Variants in WDR41 observed in about 807,000 individuals in gnomAD.
WDR41 encodes the protein WD repeat-containing protein 41.
Under a neutral mutation model 69.3 loss-of-function variants are expected in WDR41, and 63 were observed. The ratio of observed to expected loss-of-function variants is 0.91; its 90% CI spans 0.74 to 1.12. The LOEUF is 1.12. Ranked by LOEUF, WDR41 falls within the 50% of genes most tolerant of loss-of-function variation. WDR41 has a pLI of 0.00. For missense variants in WDR41, 543 were observed against 534.5 expected (o/e 1.02, Z -0.16); for synonymous variants, 185 against 192.1 (o/e 0.96, Z 0.31).
At chr5:77,443,157 A>C (rs1328142148) in intron 8 of WDR41, among the ~76,000 whole-genome samples, 1 of 152,132 alleles carries the variant, frequency 6.6e-6, no homozygotes, top group African/African-American at 2.4e-5. Flanking sequence ...CATGCATTAA[A>C]TGAGTGACTA....
intron 1 of WDR41, among the ~76,000 whole-genome samples, chr5:77,533,292 G>A (rs766961256): frequency 6.6e-6 from 1 of 152,070 alleles, no homozygotes; most frequent in Non-Finnish European, 1.5e-5. Flanking sequence ...GGCAACCTCC[G>A]TGTTTCTTAG....
chr5:77,600,010 G>A (rs991516868), intron 1 of WDR41, among the ~76,000 whole-genome samples: 39 of 152,090 alleles, frequency 2.6e-4, no homozygotes, highest in African/African-American at 4.8e-4. Flanking sequence ...ATTCTCTTGC[G>A]GATCATGGCA....
chr5:77,449,836 T>G lies in WDR41; in HGVS notation c.621A>C (p.Ser207=), dbSNP rs1448838669. Residue 207 remains serine, a synonymous_variant, in exon 8 of 13, where the codon TCA becomes TCC. Coordinates refer to ENST00000296679, the MANE Select transcript of WDR41 (RefSeq NM_018268.4). ...TAACTTCAAGAATATCCCATTCTAG[T>G]GATCCTTCTGTGGGTGCTACCAACC... is the stretch of plus-strand genomic sequence containing the variant. The part of the protein sequence containing the change: ...IFRLVAPTEG[S]LEWDILEVKR... 3.7e-6 allele frequency: 6 copies of G among 1,613,516 alleles called. No homozygotes were observed. In the Admixed American group the frequency reaches 8.3e-5, roughly 22 times the overall value.
chr5:77,466,257 A>G (rs2151328124), intron 2 of WDR41, among the ~76,000 whole-genome samples: 1 of 152,132 alleles, frequency 6.6e-6, no homozygotes, highest in Non-Finnish European at 1.5e-5. Context: ...GATCATTTTT[A>G]AAATAAAAAT....
intron 1 of WDR41, among the ~76,000 whole-genome samples, chr5:77,551,546 T>C (rs113973909): frequency 0.17 from 25,764 of 151,474 alleles, 3,645 homozygotes; most frequent in African/African-American, 0.37. Flanking sequence ...GGTGTGGTGG[T>C]GCTCACCTGT....
chr5:77,586,305 T>G (rs557454514), intron 1 of WDR41, among the ~76,000 whole-genome samples: 87 of 149,382 alleles, frequency 5.8e-4, no homozygotes, highest in African/African-American at 2.1e-3. Flanking sequence ...TATTTATGTA[T>G]TTATTTATTT....
At chr5:77,615,477 G>C (rs770313175) in intron 1 of WDR41, among the ~76,000 whole-genome samples, 1 of 151,910 alleles carries the variant, frequency 6.6e-6, no homozygotes, top group Non-Finnish European at 1.5e-5. Flanking sequence ...CTAGGTGATG[G>C]ATAAATGGTA....
chr5:77,603,040 C>A (rs1187433687), intron 1 of WDR41, among the ~76,000 whole-genome samples: 1 of 151,496 alleles, frequency 6.6e-6, no homozygotes, highest in Non-Finnish European at 1.5e-5. Flanking sequence ...TGGGTTCATG[C>A]CATTTTCCTG....
chr5:77,483,834 A>G (rs1325389419), intron 2 of WDR41, among the ~76,000 whole-genome samples: 1 of 152,184 alleles, frequency 6.6e-6, no homozygotes, highest in Non-Finnish European at 1.5e-5. Context: ...GTTCCCCAGC[A>G]TTCTCCAAAG....
At chr5:77,440,286 T>C (rs1296292254) in intron 9 of WDR41, among the ~76,000 whole-genome samples, 1 of 152,174 alleles carries the variant, frequency 6.6e-6, no homozygotes, top group East Asian at 1.9e-4. Context: ...TTTTTTCAGA[T>C]CAGAGATAAG....
intron 2 of WDR41, among the ~76,000 whole-genome samples, chr5:77,473,697 C>T (rs7720437): frequency 0.51 from 76,957 of 152,056 alleles, 20,252 homozygotes; most frequent in African/African-American, 0.64. Context: ...TGAGAAAATG[C>T]GCATCATCAC....
At chr5:77,445,632 A>G (rs888857836) in intron 8 of WDR41, among the ~76,000 whole-genome samples, 2 of 152,254 alleles carry the variant, frequency 1.3e-5, no homozygotes, top group African/African-American at 4.8e-5. Context: ...ATGCAAATCA[A>G]TAAACGTAAT....
At chr5:77,577,209 T>C (rs568166520) in intron 1 of WDR41, among the ~76,000 whole-genome samples, 3 of 152,210 alleles carry the variant, frequency 2.0e-5, no homozygotes, top group African/African-American at 7.2e-5. Flanking sequence ...TTCTAAAAAC[T>C]GGAAGAATAA....
At chr5:77,602,051 A>G (rs937925707) in intron 1 of WDR41, among the ~76,000 whole-genome samples, 1 of 152,002 alleles carries the variant, frequency 6.6e-6, no homozygotes, top group Non-Finnish European at 1.5e-5. Flanking sequence ...AAACATTACA[A>G]CTTATTCTTT....
chr5:77,452,530 C>T (rs1799667296), intron 6 of WDR41: 1 of 152,140 alleles, frequency 6.6e-6, no homozygotes, highest in Non-Finnish European at 1.5e-5. Flanking sequence ...CACAGAATAA[C>T]TGCTTGTAAA....
chr5:77,615,373 T>C (rs946290552), intron 1 of WDR41, among the ~76,000 whole-genome samples: 1 of 152,142 alleles, frequency 6.6e-6, no homozygotes, highest in African/African-American at 2.4e-5. Flanking sequence ...ATTTATAATG[T>C]CTGAGATATG....
At chr5:77,614,050 C>T (rs1193343659) in intron 1 of WDR41, among the ~76,000 whole-genome samples, 2 of 152,130 alleles carry the variant, frequency 1.3e-5, no homozygotes, top group Non-Finnish European at 2.9e-5. Context: ...AAAAAATGCT[C>T]ATCATCACTG....
intron 1 of WDR41, among the ~76,000 whole-genome samples, chr5:77,512,367 T>G (rs796585060): frequency 3.4e-5 from 4 of 118,918 alleles, no homozygotes; most frequent in East Asian, 2.6e-4. Flanking sequence ...TGTGTGTGTG[T>G]GTGTGTGTGT....
intron 1 of WDR41, among the ~76,000 whole-genome samples, chr5:77,528,152 A>G (rs1802476483): frequency 6.6e-6 from 1 of 151,744 alleles, no homozygotes; most frequent in Admixed American, 6.6e-5. Flanking sequence ...TAAAGTTGAT[A>G]ATTGTATGGT....
Sources: allele counts gnomAD v4.1 joint callset (sites outside exome capture counted in the v4.1 genomes callset), GRCh38; gene constraint gnomAD v4.1.1; transcripts MANE v1.5; gene names NCBI Gene and HGNC (gene_info 2026-07-23, HGNC 2026-07-21).